Variants in USH1C observed in about 807,000 individuals in gnomAD.
USH1C encodes the protein USH1 protein network component harmonin.
A neutral mutation model predicts 119.3 loss-of-function variants in USH1C; 90 were observed. That is an observed-to-expected ratio of 0.75 (90% CI 0.64 to 0.90). The LOEUF is 0.90. USH1C is among the 40% of genes least tolerant of loss of function. The pLI is 0.00. For synonymous variants in USH1C, 465 were observed against 443.3 expected (o/e 1.05, Z -0.62); for missense variants, 1,165 against 1,167.7 (o/e 1.00, Z 0.03).
chr11:17,512,946 G>T (rs1248942433), intron 15 of USH1C, among the ~76,000 whole-genome samples: 1 of 152,164 alleles, frequency 6.6e-6, no homozygotes. Context: ...TCTCTCATGG[G>T]GTTGCAGGGA....
intron 1 of USH1C, among the ~76,000 whole-genome samples, chr11:17,541,324 T>G (rs1283245071): frequency 6.6e-6 from 1 of 152,240 alleles, no homozygotes; most frequent in African/African-American, 2.4e-5. Context: ...CTTTATTTTG[T>G]TTTTTGATGC....
intron 14 of USH1C, chr11:17,517,437 A>T: frequency 6.3e-7 from 1 of 1,596,506 alleles, no homozygotes; most frequent in Non-Finnish European, 8.5e-7. Flanking sequence ...CATCCAGGTC[A>T]TCTGCGGGCT....
chr11:17,495,318 G>A (rs1290122399), intron 26 of USH1C, among the ~76,000 whole-genome samples: 2 of 152,216 alleles, frequency 1.3e-5, no homozygotes, highest in South Asian at 2.1e-4. Flanking sequence ...TCCCAGGGCC[G>A]TGATGAGTCA....
chr11:17,495,658 C>T lies in USH1C; in HGVS notation c.2566G>A (p.Val856Ile), dbSNP rs201308481. The T allele has an allele frequency of 6.8e-5, 109 of 1,614,100 alleles. 1 individual carries two copies. Among genetic ancestry groups the T allele is most frequent in the Admixed American group, 2.7e-4 (16 of 60,016 alleles). The stretch of plus-strand genomic sequence containing the variant: ...CGGACCGGTTGGGGGCTTTCAGCTA[C>T]GGAGGAGGGAAGAGAAGCTCTATAT... ...DDELASLPSS[V>I]AESPQPVRKL... The change falls in exon 26 of 27, where the codon GTA becomes ATA. Residue 856 changes from valine (V) to isoleucine (I), a missense_variant. Val to Ile is a conservative substitution (Grantham distance 29, BLOSUM62 3). Transcript: ENST00000005226.
intron 19 of USH1C, 134 bp from the exon 20 acceptor site, chr11:17,504,831 G>A (rs964765510): frequency 5.2e-5 from 43 of 834,226 alleles, no homozygotes; most frequent in Non-Finnish European, 7.9e-5. Flanking sequence ...TCTGGCTTAC[G>A]TTAAAGGCCT....
chr11:17,506,862 T>C (rs1288921437), intron 18 of USH1C, among the ~76,000 whole-genome samples: 4 of 152,154 alleles, frequency 2.6e-5, no homozygotes, highest in Non-Finnish European at 4.4e-5. Context: ...CACCAGACTG[T>C]CTTGAGAAGG....
chr11:17,533,367 G>GCC lies in USH1C; in HGVS notation c.37-47_37-46dup, dbSNP rs1554963799. 61 of 1,390,868 alleles carry GCC rather than the reference G, an allele frequency of 4.4e-5. 1 individual carries two copies. Among genetic ancestry groups the GCC allele is most frequent in the Admixed American group, 2.2e-4 (13 of 58,964 alleles). The allele number at this position is 1,390,868 out of a possible 1,614,324, so 86.2% of individuals were successfully genotyped here. On this transcript the variant is annotated intron_variant, in intron 1 of 26. Transcript: ENST00000005226. ...AATCACAGCTCCAGGCTCAGCACCC[G>GCC]CCCCCATAGCAGACCTCAGGGAGGA...
intron 26 of USH1C, 55 bp from the exon 27 acceptor site, chr11:17,494,431 A>G: frequency 6.4e-7 from 1 of 1,554,412 alleles, no homozygotes; most frequent in South Asian, 1.2e-5. Context: ...GTGCACACTC[A>G]GCCCAGCCAG....
intron 20 of USH1C, among the ~76,000 whole-genome samples, chr11:17,503,248 T>A (rs977294013): frequency 1.3e-5 from 2 of 151,416 alleles, no homozygotes; most frequent in African/African-American, 4.9e-5. Context: ...GGATGTGGAG[T>A]CGATGCTCTT....
Position 17,498,179 on chromosome 11 carries a change from C to A in USH1C, c.2473G>T (p.Ala825Ser). The change falls in exon 24 of 27, where the codon GCC becomes TCC. Residue 825 changes from alanine to serine, a missense_variant. By Grantham distance (99) the Ala-to-Ser change is moderately conservative (BLOSUM62 1). Coordinates refer to ENST00000005226, the MANE Select transcript of USH1C (RefSeq NM_153676.4). ...ATTCTTACCCCGCCCTGATTCCAGGCCTTCTGCAGGGCAGCCTCAGCCTCA... is the reference window on the plus strand; with the variant it reads ...ATTCTTACCCCGCCCTGATTCCAGGACTTCTGCAGGGCAGCCTCAGCCTCA... ...LAEAEAALQK[A>S]WNQGGDWIDL... 1.2e-6 allele frequency: 2 copies of A among 1,614,142 alleles called. No homozygotes were observed. The highest frequency in any genetic ancestry group is 1.7e-6 in the Non-Finnish European group (2 of 1,179,996).
chr11:17,522,953 T>G, intron 11 of USH1C, 27 bp from the exon 12 acceptor site: 1 of 1,604,190 alleles, frequency 6.2e-7, no homozygotes, highest in Non-Finnish European at 8.5e-7. Flanking sequence ...GGCCCCTTGC[T>G]CAGCCCCCGG....
chr11:17,495,241 T>C (rs1488824285), intron 26 of USH1C: 1 of 405,604 alleles, frequency 2.5e-6, no homozygotes, highest in Non-Finnish European at 4.7e-6. Flanking sequence ...ATTGTCTGTG[T>C]CCCTCAGAGA....
At chr11:17,502,559 A>G (rs1354627238) in intron 20 of USH1C, among the ~76,000 whole-genome samples, 23 of 152,214 alleles carry the variant, frequency 1.5e-4, no homozygotes, top group Non-Finnish European at 1.3e-4. Flanking sequence ...CAGTGTCCTC[A>G]TGTAATGCTT....
At chr11:17,533,605 C>T in intron 1 of USH1C, 1 of 578,080 alleles carries the variant, frequency 1.7e-6, no homozygotes. Context: ...CGGGGATGAA[C>T]ACACATAGGT....
At chr11:17,502,826 G>T (rs530122118) in intron 20 of USH1C, among the ~76,000 whole-genome samples, 1 of 152,172 alleles carries the variant, frequency 6.6e-6, no homozygotes, top group African/African-American at 2.4e-5. Flanking sequence ...GAGGGGCCAG[G>T]ATGCTAAGCA....
chr11:17,503,302 G>A (rs1175956679), intron 20 of USH1C, among the ~76,000 whole-genome samples: 2 of 152,226 alleles, frequency 1.3e-5, no homozygotes, highest in Non-Finnish European at 2.9e-5. Context: ...CTCCTGGAAG[G>A]CTGGGCAGTG....
intron 1 of USH1C, among the ~76,000 whole-genome samples, chr11:17,536,801 T>G (rs946416207): frequency 6.6e-6 from 1 of 152,268 alleles, no homozygotes; most frequent in Non-Finnish European, 1.5e-5. Flanking sequence ...TCTACCGCCA[T>G]GTCTGACTTG....
chr11:17,522,111 C>T (rs991128709), intron 12 of USH1C, among the ~76,000 whole-genome samples: 22 of 152,268 alleles, frequency 1.4e-4, no homozygotes, highest in Middle Eastern at 3.4e-3. Context: ...GGATAACAGG[C>T]GTGAGTCACT....
At chr11:17,504,564 TC>T in intron 20 of USH1C, 82 bp downstream of exon 20, 1 of 1,488,690 alleles carries the variant, frequency 6.7e-7, no homozygotes, top group South Asian at 1.1e-5. Flanking sequence ...GACCAGGTAC[TC>T]CCAGAGAGAA....
Sources: gnomAD v4.1 joint callset for allele counts (sites outside exome capture counted in the v4.1 genomes callset) on GRCh38, gnomAD v4.1.1 for gene constraint, MANE v1.5 for transcripts, NCBI Gene and HGNC (gene_info 2026-07-23, HGNC 2026-07-21) for gene names.